UROS: variants seen among roughly 807,000 people sequenced by gnomAD.
The protein encoded by UROS is uroporphyrinogen-III synthase.
UROS carries 18 observed loss-of-function variants against 33.0 expected under a neutral mutation model. The observed-to-expected ratio is 0.55, with a 90% CI of 0.38 to 0.81. The LOEUF is 0.81. Ranked by LOEUF, UROS falls within the 30% of genes least tolerant of loss-of-function variation. The pLI, the probability that UROS is intolerant of heterozygous loss-of-function variation, is 0.00. For synonymous variants in UROS, 114 were observed against 121.1 expected (o/e 0.94, Z 0.38); for missense variants, 293 against 314.9 (o/e 0.93, Z 0.53).
intron 9 of UROS, among the ~76,000 whole-genome samples, chr10:125,794,675 C>A (rs781275704): frequency 3.9e-5 from 6 of 151,990 alleles, no homozygotes; most frequent in Non-Finnish European, 8.8e-5. Context: ...GACAATTATC[C>A]CCATGCTGCA....
intron 5 of UROS, among the ~76,000 whole-genome samples, chr10:125,810,944 C>T (rs1028358169): frequency 3.3e-5 from 5 of 152,170 alleles, no homozygotes; most frequent in Non-Finnish European, 5.9e-5. Flanking sequence ...AGAACATGTC[C>T]TTTTCCTTCA....
intron 5 of UROS, among the ~76,000 whole-genome samples, chr10:125,810,243 A>G (rs1852686289): frequency 6.6e-6 from 1 of 152,170 alleles, no homozygotes; most frequent in Admixed American, 6.6e-5. Context: ...GAAGAAATGG[A>G]TGCCACTTCC....
At chr10:125,789,294 T>A (rs1412209874) in intron 9 of UROS, 1 of 1,367,092 alleles carries the variant, frequency 7.3e-7, no homozygotes, top group African/African-American at 1.5e-5. Context: ...ATCACGGCTG[T>A]GTCAGTGCAG....
intron 1 of UROS, among the ~76,000 whole-genome samples, chr10:125,816,871 A>C (rs907259420): frequency 2.6e-5 from 4 of 152,212 alleles, no homozygotes; most frequent in African/African-American, 9.7e-5. Context: ...CTTATGTTTT[A>C]AGGAGATAAA....
chr10:125,822,020 T>C (rs940575000), intron 1 of UROS, among the ~76,000 whole-genome samples: 1 of 152,212 alleles, frequency 6.6e-6, no homozygotes, highest in Admixed American at 6.5e-5. Context: ...ATTTATCAGA[T>C]GTTACCCTGC....
At chr10:125,807,700 G>C (rs561206766) in intron 5 of UROS, among the ~76,000 whole-genome samples, 5 of 152,190 alleles carry the variant, frequency 3.3e-5, no homozygotes, top group African/African-American at 1.2e-4. Context: ...TGTAGGCTGG[G>C]TAAGTAAGGC....
chr10:125,810,161 T>A (rs992014623), intron 5 of UROS, among the ~76,000 whole-genome samples: 5 of 152,286 alleles, frequency 3.3e-5, no homozygotes, highest in Admixed American at 3.3e-4. Context: ...ATCCCTGTGA[T>A]CCATGCCCCT....
downstream of UROS, chr10:125,785,638 A>G (rs370782539): frequency 6.6e-6 from 1 of 152,272 alleles, no homozygotes; most frequent in African/African-American, 2.4e-5. Flanking sequence ...GTTAAAGCAC[A>G]CAAAACTTAC....
intron 1 of UROS, among the ~76,000 whole-genome samples, chr10:125,822,303 C>G (rs1854006116): frequency 6.7e-6 from 1 of 150,096 alleles, no homozygotes; most frequent in African/African-American, 2.5e-5. Context: ...CTAGACTACC[C>G]CACTGGCCCC....
intron 7 of UROS, 52 bp from the exon 8 acceptor site, chr10:125,796,240 G>A (rs760773022): frequency 5.8e-6 from 9 of 1,553,008 alleles, no homozygotes; most frequent in Middle Eastern, 1.7e-4. Context: ...CACACAATGG[G>A]GCCTCCACCA....
chr10:125,815,374 G>A lies in UROS; in HGVS notation c.148-244C>T, dbSNP rs10751534. On this transcript the variant is annotated intron_variant, in intron 3 of 9. Transcript: ENST00000368797. ...TCCCTCAGGAAGCTCAGAGTCTAGGGCAGAGACAGTGAAACACAGGGTGAT... is the reference window on the plus strand; with the variant it reads ...TCCCTCAGGAAGCTCAGAGTCTAGGACAGAGACAGTGAAACACAGGGTGAT... Among the ~76,000 whole-genome samples the A allele has an allele frequency of 0.42, 64,092 of 151,976 alleles. 13,792 individuals are homozygous for A. The highest frequency in any genetic ancestry group is 0.47 in the Non-Finnish European group (31,691 of 67,956).
chr10:125,805,998 G>A (rs1852296964), intron 6 of UROS, among the ~76,000 whole-genome samples: 1 of 152,136 alleles, frequency 6.6e-6, no homozygotes, highest in African/African-American at 2.4e-5. Context: ...CAACCCAGAC[G>A]ACTCTGTCAG....
chr10:125,799,763 C>T (rs1210948266), intron 6 of UROS, among the ~76,000 whole-genome samples: 3 of 152,136 alleles, frequency 2.0e-5, no homozygotes, highest in Non-Finnish European at 2.9e-5. Context: ...AAGGCACCAC[C>T]CTGTCAGCAG....
intron 3 of UROS, 143 bp from the exon 4 acceptor site, chr10:125,815,273 A>G: frequency 2.3e-6 from 2 of 888,152 alleles, no homozygotes; most frequent in Admixed American, 4.0e-5. Context: ...ACACTTACTG[A>G]GTGCTTACTA....
chr10:125,796,663 C>T, intron 7 of UROS: 1 of 584,232 alleles, frequency 1.7e-6, no homozygotes, highest in Non-Finnish European at 2.2e-6. Flanking sequence ...CTCAGTGTGT[C>T]CACTTGTACA....
chr10:125,794,772 G>A, intron 9 of UROS, 108 bp downstream of exon 9: 1 of 1,088,924 alleles, frequency 9.2e-7, no homozygotes, highest in East Asian at 2.6e-5. Flanking sequence ...TAAGGCACCT[G>A]CTAGGCCAGG....
Position 125,794,902 on chromosome 10 carries a change from C to T in UROS, c.638G>A (p.Gly213Asp). ...TACCTTAATTTGATCGATATTGTCACCAGATAACTCCTGAATGTGCTTGAG... is the reference window on the plus strand; with the variant it reads ...TACCTTAATTTGATCGATATTGTCATCAGATAACTCCTGAATGTGCTTGAG... The part of the protein sequence containing the change: ...YSLKHIQELS[G>D]DNIDQIKFAA... The change falls in exon 9 of 10, where the codon GGT becomes GAT. Residue 213 changes from glycine to aspartate, a missense_variant. Physicochemically the swap from Gly to Asp is moderately conservative, Grantham distance 94 (BLOSUM62 -1). Transcript: ENST00000368797. 1 of 1,613,928 alleles carries T rather than the reference C, an allele frequency of 6.2e-7. No homozygotes were observed. Among genetic ancestry groups the T allele is most frequent in the Non-Finnish European group, 8.5e-7 (1 of 1,179,918 alleles).
At position 125,791,078 on chromosome 10, in the gene UROS, C is replaced by T. The variant is rs147616147; in HGVS notation, c.661-2073G>A. Among the ~76,000 whole-genome samples, 348 of 137,188 alleles carry T rather than the reference C, an allele frequency of 2.5e-3. 1 individual carries two copies. The highest frequency in any genetic ancestry group is 4.5e-3 in the Non-Finnish European group (286 of 63,780). The allele number at this position is 137,188 out of a possible 152,430, so 90.0% of individuals were successfully genotyped here. On this transcript the variant is annotated intron_variant, in intron 9 of 9. Coordinates refer to ENST00000368797, the MANE Select transcript of UROS (RefSeq NM_000375.3). ...CTGCACTCCAGCCTGGGCAACAGAG[C>T]GAGACACCATCTCAAAAAAAAAAAA... is the stretch of plus-strand genomic sequence containing the variant.
chr10:125,795,180 C>A, intron 8 of UROS: 1 of 611,724 alleles, frequency 1.6e-6, no homozygotes, highest in Non-Finnish European at 2.9e-6. Flanking sequence ...AGCAGGCTGC[C>A]ATCAGAAAGC....
Sources: gnomAD v4.1 joint callset for allele counts (sites outside exome capture counted in the v4.1 genomes callset) on GRCh38, gnomAD v4.1.1 for gene constraint, MANE v1.5 for transcripts, NCBI Gene and HGNC (gene_info 2026-07-23, HGNC 2026-07-21) for gene names.